SLC9A4: variants seen among roughly 807,000 people sequenced by gnomAD.
SLC9A4 encodes sodium/hydrogen exchanger 4.
A neutral mutation model predicts 67.4 loss-of-function variants in SLC9A4; 63 were observed. That is an observed-to-expected ratio of 0.93 (90% CI 0.76 to 1.15). The LOEUF (loss-of-function observed/expected upper bound fraction) is 1.15. Among genes scored for constraint, SLC9A4 ranks in the 50% most tolerant of loss-of-function variants. The pLI, the probability that SLC9A4 is intolerant of heterozygous loss-of-function variation, is 0.00. For synonymous variants in SLC9A4, 393 were observed against 367.2 expected (o/e 1.07, Z -0.80); for missense variants, 1,089 against 987.7 (o/e 1.10, Z -1.38).
chr2:102,478,971 A>G lies in SLC9A4; in HGVS notation c.389A>G (p.Tyr130Cys), dbSNP rs1376414648. Residue 130 changes from tyrosine (Y) to cysteine (C), a missense_variant, in exon 2 of 12, where the codon TAC (tyrosine) becomes TGC (cysteine). By Grantham distance (194) the Tyr-to-Cys change is radical. Transcript: ENST00000295269. ...CCTCCGGTCATGGACTCCAGCATCT[A>G]CTTCCTGTATCTCCTGCCACCCATC... ...KSPPVMDSSI[Y>C]FLYLLPPIVL... The G allele has an allele frequency of 6.2e-7, 1 of 1,613,990 alleles. No individual in the cohort carries two copies. Among genetic ancestry groups the G allele is most frequent in the Non-Finnish European group, 8.5e-7 (1 of 1,179,972 alleles).
rs868213206 is a variant in SLC9A4, at chr2:102,525,048, C to T, written c.1843C>T (p.Leu615Phe). ...QRTLSYNKYN[L>F]KPQTSEKQAK... ...GACCCTGTCCTACAACAAATACAAC[C>T]TCAAACCCCAAACAAGTGAGAAGCA... The change falls in exon 10 of 12, where the codon CTC (leucine) becomes TTC (phenylalanine). Residue 615 changes from leucine to phenylalanine, a missense_variant. Coordinates refer to ENST00000295269, the MANE Select transcript of SLC9A4 (RefSeq NM_001011552.4). The T allele has an allele frequency of 8.1e-6, 13 of 1,614,050 alleles. No individual in the cohort carries two copies. Among genetic ancestry groups the T allele is most frequent in the Middle Eastern group, 3.3e-4 (2 of 6,060 alleles).
chr2:102,497,367 A>G (rs906043204), intron 2 of SLC9A4, among the ~76,000 whole-genome samples: 11 of 152,266 alleles, frequency 7.2e-5, no homozygotes, highest in Non-Finnish European at 1.6e-4. Context: ...AGGCTTGTAC[A>G]TGAATGTTCA....
chr2:102,480,859 G>A (rs957350834), intron 2 of SLC9A4, among the ~76,000 whole-genome samples: 1 of 152,194 alleles, frequency 6.6e-6, no homozygotes, highest in African/African-American at 2.4e-5. Flanking sequence ...AAGGGGAGGA[G>A]GATGCCACAT....
chr2:102,477,478 G>A (rs754842450), intron 1 of SLC9A4, among the ~76,000 whole-genome samples: 1 of 152,224 alleles, frequency 6.6e-6, no homozygotes, highest in Non-Finnish European at 1.5e-5. Flanking sequence ...ACTGTGCTAA[G>A]CATTTGGGGA....
intron 2 of SLC9A4, among the ~76,000 whole-genome samples, chr2:102,487,436 C>T (rs1684611393): frequency 6.6e-6 from 1 of 152,120 alleles, no homozygotes; most frequent in African/African-American, 2.4e-5. Flanking sequence ...CCTTTACTTC[C>T]TGCACTTGTG....
intron 7 of SLC9A4, among the ~76,000 whole-genome samples, chr2:102,513,304 T>G (rs560475211): frequency 6.6e-6 from 1 of 152,300 alleles, no homozygotes; most frequent in South Asian, 2.1e-4. Context: ...AGGAAACCAA[T>G]TGCCAGATAA....
rs780363547 is a variant in SLC9A4, at chr2:102,503,600, C to T, written c.873C>T (p.Ile291=). Residue 291 remains isoleucine, a synonymous_variant, in exon 3 of 12, where the codon ATC becomes ATT. Transcript: ENST00000295269. ...TTTTTGGATTTATTTCTGCATTTAT[C>T]ACACGTTTCACTCAGAATATCTCTG... The part of the protein sequence containing the change: ...GIVFGFISAF[I]TRFTQNISAI... The T allele has an allele frequency of 2.5e-6, 4 of 1,614,030 alleles. No individual in the cohort carries two copies. The South Asian group carries it at 3.3e-5, about 13-fold the overall frequency.
At chr2:102,486,648 C>T (rs1227810893) in intron 2 of SLC9A4, among the ~76,000 whole-genome samples, 2 of 152,116 alleles carry the variant, frequency 1.3e-5, no homozygotes, top group African/African-American at 2.4e-5. Flanking sequence ...GTATGGGGGG[C>T]GTGGACCTAC....
intron 9 of SLC9A4, among the ~76,000 whole-genome samples, chr2:102,521,649 A>T (rs1001079807): frequency 2.6e-5 from 4 of 152,218 alleles, no homozygotes; most frequent in Non-Finnish European, 5.9e-5. Flanking sequence ...GATCTCTTGA[A>T]GGAAAAGTCT....
At chr2:102,531,475 T>C (rs1322145525) in intron 11 of SLC9A4, among the ~76,000 whole-genome samples, 1 of 152,120 alleles carries the variant, frequency 6.6e-6, no homozygotes, top group East Asian at 1.9e-4. Context: ...CCCTCCCTCT[T>C]ACACGTGGAT....
At chr2:102,485,905 G>T (rs1241329892) in intron 2 of SLC9A4, among the ~76,000 whole-genome samples, 1 of 152,126 alleles carries the variant, frequency 6.6e-6, no homozygotes, top group Non-Finnish European at 1.5e-5. Flanking sequence ...TCAGGGGCAG[G>T]CATGGGCAGA....
intron 2 of SLC9A4, among the ~76,000 whole-genome samples, chr2:102,496,414 G>A (rs1212446652): frequency 2.0e-5 from 3 of 152,192 alleles, no homozygotes; most frequent in Non-Finnish European, 4.4e-5. Context: ...TACATTTCTG[G>A]TGGTGTTCTG....
intron 7 of SLC9A4, among the ~76,000 whole-genome samples, chr2:102,513,270 G>T (rs935310115): frequency 1.3e-5 from 2 of 152,196 alleles, no homozygotes; most frequent in Non-Finnish European, 1.5e-5. Flanking sequence ...CCTAACCCTG[G>T]AGGGGCTTAG....
chr2:102,503,568 G>A lies in SLC9A4; in HGVS notation c.841G>A (p.Gly281Ser). Reference protein sequence around the residue: ...IVVGLGGVLFGIVFGFISAFI... With the variant: ...IVVGLGGVLFSIVFGFISAFI... The stretch of plus-strand genomic sequence containing the variant: ...TGTGGGGCTTGGAGGGGTATTGTTT[G>A]GCATCGTTTTTGGATTTATTTCTGC... Residue 281 changes from glycine to serine, a missense_variant, in exon 3 of 12, where the codon GGC (glycine) becomes AGC (serine). By Grantham distance (56) the Gly-to-Ser change is moderately conservative. Coordinates refer to ENST00000295269, the MANE Select transcript of SLC9A4 (RefSeq NM_001011552.4). The A allele has an allele frequency of 6.2e-7, 1 of 1,614,148 alleles. No homozygotes were observed.
intron 11 of SLC9A4, among the ~76,000 whole-genome samples, chr2:102,531,202 A>G (rs1674773668): frequency 6.6e-6 from 1 of 151,796 alleles, no homozygotes; most frequent in African/African-American, 2.4e-5. Flanking sequence ...AGCTGGGACT[A>G]CAGGTGCCCA....
At chr2:102,519,118 G>A (rs1210842862) in intron 8 of SLC9A4, among the ~76,000 whole-genome samples, 1 of 152,130 alleles carries the variant, frequency 6.6e-6, no homozygotes, top group Non-Finnish European at 1.5e-5. Context: ...ATTGTGCATT[G>A]ACTACTAACC....
Position 102,487,860 on chromosome 2 carries a change from G to A in SLC9A4, c.720+8558G>A, listed in dbSNP as rs1038292648. 9.2e-5 allele frequency among the ~76,000 whole-genome samples: 14 copies of A among 152,194 alleles called. No individual in the cohort carries two copies. The South Asian group carries it at 2.9e-3, about 31-fold the overall frequency. On this transcript the variant is annotated intron_variant, in intron 2 of 11. Transcript: ENST00000295269. ...GCTTTTTAGGGAGTAATCAGAAAGA[G>A]GGCAGAAAAGCGCATGGGAGAAGTT... is the stretch of plus-strand genomic sequence containing the variant.
At chr2:102,499,607 G>A (rs1478792597) in intron 2 of SLC9A4, among the ~76,000 whole-genome samples, 1 of 152,134 alleles carries the variant, frequency 6.6e-6, no homozygotes, top group Non-Finnish European at 1.5e-5. Flanking sequence ...TGTATGTTGT[G>A]TGTGTACTTG....
Position 102,488,015 on chromosome 2 carries a change from G to T in SLC9A4, c.720+8713G>T, listed in dbSNP as rs1684623006. 2.6e-5 allele frequency among the ~76,000 whole-genome samples: 4 copies of T among 152,160 alleles called. No homozygotes were observed. The South Asian group carries it at 8.3e-4, about 32-fold the overall frequency. The stretch of plus-strand genomic sequence containing the variant: ...TTTGTAGATTATTCCTTTTAACCAT[G>T]GACCTGCTTGTTCTGTATTTTATTA... On this transcript the variant is annotated intron_variant, in intron 2 of 11. Transcript: ENST00000295269.
Sources: gnomAD v4.1 joint callset for allele counts (sites outside exome capture counted in the v4.1 genomes callset) on GRCh38, gnomAD v4.1.1 for gene constraint, MANE v1.5 for transcripts, NCBI Gene and HGNC (gene_info 2026-07-23, HGNC 2026-07-21) for gene names.